ARHGAP10: variants seen among roughly 807,000 people sequenced by gnomAD.
The protein encoded by ARHGAP10 is rho GTPase-activating protein 10.
Under a neutral mutation model 108.6 loss-of-function variants are expected in ARHGAP10, and 87 were observed. That is an observed-to-expected ratio of 0.80 (90% confidence interval 0.67 to 0.96). The LOEUF (loss-of-function observed/expected upper bound fraction) is 0.96, where lower values mean the gene tolerates loss of function less well. Among genes scored for constraint, ARHGAP10 ranks in the 40% least tolerant of loss-of-function variants. The pLI, the probability that ARHGAP10 is intolerant of heterozygous loss-of-function variation, is 0.00. For synonymous variants in ARHGAP10, 347 were observed against 341.1 expected (o/e 1.02, Z -0.19); for missense variants, 939 against 954.5 (o/e 0.98, Z 0.21).
At chr4:147,994,559 TAAAG>T (rs1740401568) in intron 18 of ARHGAP10, among the ~76,000 whole-genome samples, 1 of 152,234 alleles carries the variant, frequency 6.6e-6, no homozygotes. Context: ...TATGTTCATA[TAAAG>T]AAACAGTTGA....
At chr4:147,895,063 A>T (rs868722330) in intron 10 of ARHGAP10, among the ~76,000 whole-genome samples, 1 of 152,208 alleles carries the variant, frequency 6.6e-6, no homozygotes, top group South Asian at 2.1e-4. Context: ...AATATTGTGA[A>T]TATAGAACCT....
At chr4:147,945,435 A>T (rs1015698525) in intron 14 of ARHGAP10, among the ~76,000 whole-genome samples, 11 of 152,162 alleles carry the variant, frequency 7.2e-5, no homozygotes, top group Non-Finnish European at 1.5e-4. Context: ...ATTACACGCT[A>T]TTTGGATAAA....
chr4:147,818,119 G>A (rs1732326828), intron 1 of ARHGAP10, among the ~76,000 whole-genome samples: 1 of 151,216 alleles, frequency 6.6e-6, no homozygotes, highest in Admixed American at 6.6e-5. Context: ...ACTTGACTGA[G>A]TCACTAAACT....
intron 13 of ARHGAP10, among the ~76,000 whole-genome samples, chr4:147,916,320 GAACATA>G (rs1318734590): frequency 2.6e-5 from 4 of 151,976 alleles, no homozygotes; most frequent in African/African-American, 4.8e-5. Flanking sequence ...ATATTTATTG[GAACATA>G]AACATAAACT....
At chr4:147,749,950 G>A (rs138513638) in intron 1 of ARHGAP10, among the ~76,000 whole-genome samples, 2 of 152,218 alleles carry the variant, frequency 1.3e-5, no homozygotes, top group African/African-American at 2.4e-5. Context: ...TAACCACAGC[G>A]AACAGTGTTT....
At chr4:147,798,804 T>C (rs1212873529) in intron 1 of ARHGAP10, among the ~76,000 whole-genome samples, 7 of 130,004 alleles carry the variant, frequency 5.4e-5, no homozygotes, top group African/African-American at 2.2e-4. Context: ...TATATATATA[T>C]ATATATATAT....
chr4:147,892,796 T>C (rs1735837680), intron 10 of ARHGAP10, among the ~76,000 whole-genome samples: 1 of 152,158 alleles, frequency 6.6e-6, no homozygotes, highest in Non-Finnish European at 1.5e-5. Context: ...TAGGGGACAC[T>C]GGGCAATATC....
intron 15 of ARHGAP10, among the ~76,000 whole-genome samples, chr4:147,951,632 A>C (rs937906066): frequency 2.0e-5 from 3 of 152,020 alleles, no homozygotes; most frequent in African/African-American, 7.2e-5. Context: ...CATTAAAAAA[A>C]AATAGAAACA....
chr4:147,846,929 A>G (rs1179759839), intron 3 of ARHGAP10, among the ~76,000 whole-genome samples: 1 of 152,208 alleles, frequency 6.6e-6, no homozygotes, highest in African/African-American at 2.4e-5. Flanking sequence ...TGTACATTTC[A>G]CTGGCAATCT....
chr4:148,060,962 C>T (rs1489043782), intron 20 of ARHGAP10, among the ~76,000 whole-genome samples: 1 of 152,108 alleles, frequency 6.6e-6, no homozygotes, highest in African/African-American at 2.4e-5. Flanking sequence ...ATGGAGAAAG[C>T]CAGGGTGCGG....
chr4:147,868,449 G>T (rs1189282756), intron 7 of ARHGAP10, among the ~76,000 whole-genome samples: 1 of 151,996 alleles, frequency 6.6e-6, no homozygotes, highest in Non-Finnish European at 1.5e-5. Context: ...TGTTGCCCAG[G>T]CTGCTCAAAC....
chr4:148,065,993 A>G (rs1729857012), intron 22 of ARHGAP10, among the ~76,000 whole-genome samples: 1 of 151,870 alleles, frequency 6.6e-6, no homozygotes, highest in South Asian at 2.1e-4. Context: ...AAAAAAAAAA[A>G]AAAGGGTTGA....
intron 1 of ARHGAP10, among the ~76,000 whole-genome samples, chr4:147,738,073 TACAG>T (rs1728492378): frequency 6.6e-6 from 1 of 150,928 alleles, no homozygotes; most frequent in African/African-American, 2.4e-5. Context: ...GGATAAAGAA[TACAG>T]AGAGGAGGGT....
chr4:147,895,874 G>A (rs1265830206), intron 10 of ARHGAP10, among the ~76,000 whole-genome samples: 2 of 152,120 alleles, frequency 1.3e-5, no homozygotes, highest in Non-Finnish European at 2.9e-5. Flanking sequence ...AATATTAGCT[G>A]AAAATTGCTT....
intron 18 of ARHGAP10, among the ~76,000 whole-genome samples, chr4:147,989,424 A>C (rs943638075): frequency 8.5e-5 from 13 of 152,220 alleles, no homozygotes; most frequent in Non-Finnish European, 1.5e-4. Context: ...CCTCTTCCTA[A>C]TAAGCCTGGG....
intron 18 of ARHGAP10, among the ~76,000 whole-genome samples, chr4:147,971,304 A>AT (rs928153141): frequency 5.3e-5 from 8 of 151,916 alleles, no homozygotes; most frequent in Non-Finnish European, 1.0e-4. Context: ...AATTTGGTGC[A>AT]TTTTTTCCCC....
intron 16 of ARHGAP10, among the ~76,000 whole-genome samples, chr4:147,959,250 TGAA>T (rs1052766670): frequency 2.0e-5 from 3 of 152,106 alleles, no homozygotes; most frequent in Admixed American, 6.6e-5. Flanking sequence ...TTTTTGTTTT[TGAA>T]GAAGAGGGAA....
intron 15 of ARHGAP10, among the ~76,000 whole-genome samples, chr4:147,951,909 C>A (rs1051999992): frequency 6.6e-6 from 1 of 152,178 alleles, no homozygotes; most frequent in African/African-American, 2.4e-5. Flanking sequence ...TTATTACCCC[C>A]CAAAGTTTCC....
chr4:147,887,450 C>A (rs114849938), intron 10 of ARHGAP10, among the ~76,000 whole-genome samples: 1 of 144,922 alleles, frequency 6.9e-6, no homozygotes, highest in Admixed American at 7.0e-5. Context: ...CTTAAAAAAA[C>A]AAAAGCCACT....
Sources: allele counts gnomAD v4.1 joint callset (sites outside exome capture counted in the v4.1 genomes callset), GRCh38; gene constraint gnomAD v4.1.1; transcripts MANE v1.5; gene names NCBI Gene and HGNC (gene_info 2026-07-23, HGNC 2026-07-21).